Variants in NFIA observed in about 807,000 individuals in gnomAD.
The protein encoded by NFIA is nuclear factor 1 A-type.
Under a neutral mutation model 62.8 loss-of-function variants are expected in NFIA, and 8 were observed. The ratio of observed to expected loss-of-function variants is 0.13; its 90% CI spans 0.07 to 0.23. NFIA has a LOEUF of 0.23. Ranked by LOEUF, NFIA falls within the 10% of genes least tolerant of loss-of-function variation. The pLI, the probability that NFIA is intolerant of heterozygous loss-of-function variation, is 1.00. For missense variants in NFIA, 410 were observed against 642.1 expected (o/e 0.64, Z 3.91); for synonymous variants, 235 against 238.1 (o/e 0.99, Z 0.12).
chr1:61,157,601 CCT>C (rs1491226566), intron 2 of NFIA, among the ~76,000 whole-genome samples: 3 of 152,112 alleles, frequency 2.0e-5, no homozygotes, highest in African/African-American at 4.8e-5. Context: ...TTAAATTAAA[CCT>C]TTTTTTGGAA....
At chr1:61,080,795 G>C (rs1646086034), upstream of NFIA, among the ~76,000 whole-genome samples, 1 of 152,198 alleles carries the variant, frequency 6.6e-6, no homozygotes, top group Non-Finnish European at 1.5e-5. Context: ...AATGGTTCTT[G>C]AGCATTCGGG....
chr1:61,259,132 AT>A (rs1487509105), intron 2 of NFIA, among the ~76,000 whole-genome samples: 1 of 152,210 alleles, frequency 6.6e-6, no homozygotes, highest in Non-Finnish European at 1.5e-5. Flanking sequence ...CAAATATTAC[AT>A]TGTCAATTAG....
chr1:61,200,632 T>G (rs1171299582), intron 2 of NFIA, among the ~76,000 whole-genome samples: 1 of 152,166 alleles, frequency 6.6e-6, no homozygotes, highest in Non-Finnish European at 1.5e-5. Context: ...CCAGTCATGT[T>G]GGGTAGACAA....
intron 7 of NFIA, among the ~76,000 whole-genome samples, chr1:61,401,302 AG>A (rs1273487617): frequency 6.6e-6 from 1 of 152,238 alleles, no homozygotes; most frequent in Non-Finnish European, 1.5e-5. Context: ...AATTCCATAT[AG>A]TACCATATGT....
intron 10 of NFIA, among the ~76,000 whole-genome samples, chr1:61,449,208 G>A (rs1431117580): frequency 2.0e-5 from 3 of 152,168 alleles, no homozygotes; most frequent in African/African-American, 2.4e-5. Flanking sequence ...TGTGTCCCTC[G>A]AGGGAGAGTG....
chr1:61,319,881 T>G (rs961393405), intron 3 of NFIA, among the ~76,000 whole-genome samples: 1 of 150,884 alleles, frequency 6.6e-6, no homozygotes, highest in African/African-American at 2.5e-5. Flanking sequence ...CAGGAAACAA[T>G]TTCTAATCAG....
intron 2 of NFIA, among the ~76,000 whole-genome samples, chr1:61,182,401 AAACCAATG>A (rs1650816255): frequency 6.6e-6 from 1 of 152,258 alleles, no homozygotes; most frequent in South Asian, 2.1e-4. Context: ...AGATTAGACA[AAACCAATG>A]AAGTTGTTAA....
At chr1:61,087,444 A>G (rs980766874) in intron 1 of NFIA, among the ~76,000 whole-genome samples, 1 of 151,966 alleles carries the variant, frequency 6.6e-6, no homozygotes, top group African/African-American at 2.4e-5. Context: ...TCTTGGGCAT[A>G]GATCTTTTAT....
chr1:61,265,977 C>G (rs1322457270), intron 2 of NFIA, among the ~76,000 whole-genome samples: 2 of 152,192 alleles, frequency 1.3e-5, no homozygotes, highest in African/African-American at 4.8e-5. Context: ...AGCAAATAAG[C>G]AAATATCACT....
At chr1:61,204,217 G>C (rs185646287) in intron 2 of NFIA, among the ~76,000 whole-genome samples, 1 of 152,206 alleles carries the variant, frequency 6.6e-6, no homozygotes, top group Admixed American at 6.5e-5. Context: ...TTAGTCTGTG[G>C]TCTTAAGATC....
chr1:61,434,702 A>G (rs377261127), intron 10 of NFIA, among the ~76,000 whole-genome samples: 95 of 152,298 alleles, frequency 6.2e-4, no homozygotes, highest in African/African-American at 2.1e-3. Context: ...TGTAATAATT[A>G]AGGTCTCTGC....
At chr1:61,112,864 G>A (rs1467796682) in intron 2 of NFIA, among the ~76,000 whole-genome samples, 1 of 151,946 alleles carries the variant, frequency 6.6e-6, no homozygotes, top group Non-Finnish European at 1.5e-5. Context: ...TAATTACATC[G>A]TGCATATATG....
intron 2 of NFIA, among the ~76,000 whole-genome samples, chr1:61,249,650 CAAAAAT>C (rs1428887756): frequency 6.6e-6 from 1 of 151,932 alleles, no homozygotes; most frequent in Admixed American, 6.5e-5. Context: ...ACTAAAAATA[CAAAAAT>C]TAGCTGGGCG....
chr1:61,379,948 A>G (rs578123106), intron 6 of NFIA, among the ~76,000 whole-genome samples: 2 of 152,190 alleles, frequency 1.3e-5, no homozygotes, highest in Admixed American at 6.5e-5. Flanking sequence ...CTTTGCACTT[A>G]TAAGTGCCTC....
At position 61,430,865 on chromosome 1, in the gene NFIA, A is replaced by C. The variant is rs542430310; in HGVS notation, c.1512+4309A>C. Reference sequence around the variant, plus strand: ...CCTCTGCTACCATCATTTGCCCCTCATTTTTTTCCTCCTTCTCCATATTGT... The same window carrying C: ...CCTCTGCTACCATCATTTGCCCCTCCTTTTTTTCCTCCTTCTCCATATTGT... On this transcript the variant is annotated intron_variant, in intron 10 of 10. Transcript: ENST00000403491. Among the ~76,000 whole-genome samples, 11 of 151,618 alleles carry C rather than the reference A, an allele frequency of 7.3e-5. No individual in the cohort carries two copies. In the East Asian group the frequency reaches 2.1e-3, roughly 29 times the overall value.
intron 3 of NFIA, among the ~76,000 whole-genome samples, chr1:61,325,067 A>G (rs909027803): frequency 2.0e-5 from 3 of 152,340 alleles, no homozygotes; most frequent in Admixed American, 6.5e-5. Flanking sequence ...GAGATAGCAC[A>G]TTGTGCAACC....
At chr1:61,131,301 A>G (rs1306246758) in intron 2 of NFIA, among the ~76,000 whole-genome samples, 2 of 152,330 alleles carry the variant, frequency 1.3e-5, no homozygotes, top group African/African-American at 4.8e-5. Context: ...TGATTACAAA[A>G]GATCAATTAA....
At position 61,458,335 on chromosome 1, in the gene NFIA, A is replaced by C. The variant is rs1668394612; in HGVS notation, c.*3015A>C. On this transcript the variant is annotated 3_prime_UTR_variant, in exon 11 of 11. Transcript: ENST00000403491. ...TTACCAGTAAATTGGTTGTATATAC[A>C]ATAAAATTGCACCCTTTTTTAAACA... 2.6e-5 allele frequency: 4 copies of C among 152,218 alleles called. No individual in the cohort carries two copies. 9.4% of individuals were successfully genotyped at this position (152,218 alleles called of 1,614,324 possible). A position where few individuals can be genotyped will look rare whatever the true frequency, so the allele number is the denominator to read the frequency against.
intron 4 of NFIA, among the ~76,000 whole-genome samples, chr1:61,347,462 C>T (rs1662299366): frequency 1.3e-5 from 2 of 152,080 alleles, no homozygotes; most frequent in South Asian, 2.1e-4. Flanking sequence ...CGTGAGCCAC[C>T]GTGCCCGGCC....
Sources: gnomAD v4.1 joint callset for allele counts (sites outside exome capture counted in the v4.1 genomes callset) on GRCh38, gnomAD v4.1.1 for gene constraint, MANE v1.5 for transcripts, NCBI Gene and HGNC (gene_info 2026-07-23, HGNC 2026-07-21) for gene names.